CNOT4: variants seen among roughly 807,000 people sequenced by gnomAD.
The protein encoded by CNOT4 is CCR4-NOT transcription complex subunit 4, also known as CCR4-associated factor 4.
In CNOT4, 8 loss-of-function variants were observed where a neutral mutation model predicts 73.8. That is an observed-to-expected ratio of 0.11 (90% CI 0.06 to 0.20). The LOEUF (loss-of-function observed/expected upper bound fraction) is 0.20, where lower values mean the gene tolerates loss of function less well. CNOT4 is among the 10% of genes least tolerant of loss of function. The pLI, the probability that CNOT4 is intolerant of heterozygous loss-of-function variation, is 1.00. For missense variants in CNOT4, 564 were observed against 883.4 expected (o/e 0.64, Z 4.58); for synonymous variants, 293 against 321.1 (o/e 0.91, Z 0.94).
At chr7:135,478,243 A>G (rs1171174939) in intron 1 of CNOT4, among the ~76,000 whole-genome samples, 1 of 152,166 alleles carries the variant, frequency 6.6e-6, no homozygotes, top group East Asian at 1.9e-4. Context: ...CTTAATTTTT[A>G]TAGCAATTAA....
At chr7:135,396,209 C>T (rs537582434) in intron 8 of CNOT4, among the ~76,000 whole-genome samples, 8 of 147,210 alleles carry the variant, frequency 5.4e-5, no homozygotes, top group South Asian at 2.2e-4. Flanking sequence ...CCTCGGCCTC[C>T]GGGGTTCAAG....
At chr7:135,505,132 T>C (rs1009824096) in intron 1 of CNOT4, among the ~76,000 whole-genome samples, 1 of 152,188 alleles carries the variant, frequency 6.6e-6, no homozygotes, top group Non-Finnish European at 1.5e-5. Context: ...TGAACAGTTA[T>C]CTGACATACA....
intron 10 of CNOT4, among the ~76,000 whole-genome samples, chr7:135,379,143 C>T (rs1324803093): frequency 6.6e-6 from 1 of 151,976 alleles, no homozygotes; most frequent in Non-Finnish European, 1.5e-5. Flanking sequence ...TCTCCTTTGT[C>T]CAAAGAAAAA....
rs1794678795 is a variant in CNOT4, at chr7:135,362,152, A to G, written c.*733T>C. ...TTATTAATAGGTATTAAATCTGTGA[A>G]TACTTTTTTCTTTAAAACATTTCAA... On this transcript the variant is annotated 3_prime_UTR_variant, in exon 12 of 12. Coordinates refer to ENST00000541284, the MANE Select transcript of CNOT4 (RefSeq NM_001190850.2). The G allele has an allele frequency of 6.5e-6, 1 of 152,836 alleles. No individual in the cohort carries two copies. The highest frequency in any genetic ancestry group is 2.1e-4 in the South Asian group (1 of 4,860). The allele number at this position is 152,836 out of a possible 1,614,324, so 9.5% of individuals were successfully genotyped here. A position where few individuals can be genotyped will look rare whatever the true frequency, so the allele number is the denominator to read the frequency against.
At chr7:135,373,547 C>T (rs893856570) in intron 10 of CNOT4, among the ~76,000 whole-genome samples, 2 of 152,144 alleles carry the variant, frequency 1.3e-5, no homozygotes, top group Non-Finnish European at 2.9e-5. Context: ...AAATGGCAGA[C>T]TCTGGAAGCA....
intron 4 of CNOT4, 39 bp downstream of exon 4, chr7:135,415,137 C>A (rs1349749441): frequency 8.3e-7 from 1 of 1,209,054 alleles, no homozygotes; most frequent in South Asian, 1.2e-5. Flanking sequence ...CAAGCCCAGA[C>A]CATAGGGAGG....
chr7:135,366,334 A>G (rs1585537800), intron 10 of CNOT4, among the ~76,000 whole-genome samples: 1 of 152,368 alleles, frequency 6.6e-6, no homozygotes, highest in East Asian at 1.9e-4. Context: ...GTCAAAAGAC[A>G]ATAAAGGCAG....
chr7:135,436,381 C>A (rs933941523), intron 2 of CNOT4, among the ~76,000 whole-genome samples: 14 of 151,358 alleles, frequency 9.2e-5, no homozygotes, highest in African/African-American at 3.4e-4. Flanking sequence ...AAAAGATAAA[C>A]ATCATGAAGC....
intron 1 of CNOT4, chr7:135,444,370 G>A: frequency 1.5e-6 from 1 of 683,274 alleles, no homozygotes; most frequent in Admixed American, 2.0e-5. Flanking sequence ...TAATCCAAGT[G>A]TCCATCAATG....
chr7:135,457,696 C>T (rs2129486171), intron 1 of CNOT4, among the ~76,000 whole-genome samples: 1 of 152,116 alleles, frequency 6.6e-6, no homozygotes, highest in Non-Finnish European at 1.5e-5. Context: ...TTTTTCCATA[C>T]CCAAAGGGAA....
chr7:135,460,406 T>G (rs1800805560), intron 1 of CNOT4, among the ~76,000 whole-genome samples: 1 of 152,364 alleles, frequency 6.6e-6, no homozygotes, highest in Admixed American at 6.5e-5. Flanking sequence ...TGTGATTCTT[T>G]CTTTCATTTG....
chr7:135,503,990 A>G (rs1288767243), intron 1 of CNOT4, among the ~76,000 whole-genome samples: 3 of 152,218 alleles, frequency 2.0e-5, no homozygotes, highest in Non-Finnish European at 4.4e-5. Context: ...CCAATGTTCA[A>G]TAACACAAAT....
chr7:135,458,896 TGTTGGTA>T (rs1448309786), intron 1 of CNOT4, among the ~76,000 whole-genome samples: 1 of 152,072 alleles, frequency 6.6e-6, no homozygotes, highest in Non-Finnish European at 1.5e-5. Flanking sequence ...CCCCTGCTAA[TGTTGGTA>T]TTTTGACCTC....
At chr7:135,507,992 A>T (rs937482815) in intron 1 of CNOT4, among the ~76,000 whole-genome samples, 3 of 152,218 alleles carry the variant, frequency 2.0e-5, no homozygotes, top group Non-Finnish European at 4.4e-5. Context: ...CAGCTTTTCT[A>T]ACCTTAGTTT....
At chr7:135,366,475 T>C (rs1234951745) in intron 10 of CNOT4, among the ~76,000 whole-genome samples, 1 of 152,206 alleles carries the variant, frequency 6.6e-6, no homozygotes, top group Non-Finnish European at 1.5e-5. Context: ...AGCAAGGGTA[T>C]GTTAGCCAAA....
At position 135,438,284 on chromosome 7, in the gene CNOT4, A is replaced by C; in HGVS notation, c.48T>G (p.Leu16=). The change falls in exon 2 of 12, where the codon CTT becomes CTG. Residue 16 remains leucine (L), a synonymous_variant. Coordinates refer to ENST00000541284, the MANE Select transcript of CNOT4 (RefSeq NM_001190850.2). ...DAKEDPVECP[L]CMEPLEIDDI... is the part of the protein sequence containing the mutation. ...CATCTATCTCCAAGGGCTCCATGCA[A>C]AGAGGGCACTCCACAGGGTCTTCCT... is the stretch of plus-strand genomic sequence containing the variant. The C allele has an allele frequency of 6.2e-7, 1 of 1,613,930 alleles. No individual in the cohort carries two copies. The highest frequency in any genetic ancestry group is 8.5e-7 in the Non-Finnish European group (1 of 1,179,856).
chr7:135,370,225 A>T (rs1027001567), intron 10 of CNOT4, among the ~76,000 whole-genome samples: 2 of 152,228 alleles, frequency 1.3e-5, no homozygotes, highest in Admixed American at 1.3e-4. Flanking sequence ...GAAAATCTTA[A>T]GAACCCAAAT....
intron 1 of CNOT4, among the ~76,000 whole-genome samples, chr7:135,448,161 C>T (rs1459856978): frequency 2.0e-5 from 3 of 152,222 alleles, no homozygotes; most frequent in East Asian, 3.9e-4. Flanking sequence ...GCCCTGGAAA[C>T]GAGCAGGGGG....
At chr7:135,423,229 A>G (rs1255636606) in intron 2 of CNOT4, among the ~76,000 whole-genome samples, 2 of 152,094 alleles carry the variant, frequency 1.3e-5, no homozygotes, top group Non-Finnish European at 2.9e-5. Flanking sequence ...CAACACCAAC[A>G]TAGGGGCACA....
Sources: gnomAD v4.1 joint callset for allele counts (sites outside exome capture counted in the v4.1 genomes callset) on GRCh38, gnomAD v4.1.1 for gene constraint, MANE v1.5 for transcripts, NCBI Gene and HGNC (gene_info 2026-07-23, HGNC 2026-07-21) for gene names.